The following THBS4 variants were observed in gnomAD, a reference collection of about 807,000 sequenced individuals.
THBS4 encodes thrombospondin-4.
In THBS4, 90 loss-of-function variants were observed where a neutral mutation model predicts 115.7. The observed-to-expected ratio is 0.78, with a 90% CI of 0.66 to 0.93. THBS4 has a LOEUF of 0.93. Among genes scored for constraint, THBS4 ranks in the 40% least tolerant of loss-of-function variants. The probability of loss-of-function intolerance (pLI) is 0.00; values close to 1 mark genes in which losing one functional copy is unlikely to be tolerated. For missense variants in THBS4, 1,087 were observed against 1,232.7 expected (o/e 0.88, Z 1.77); for synonymous variants, 460 against 479.3 (o/e 0.96, Z 0.53).
At chr5:80,039,870 G>A (rs1429340115) in intron 1 of THBS4, among the ~76,000 whole-genome samples, 1 of 152,186 alleles carries the variant, frequency 6.6e-6, no homozygotes, top group African/African-American at 2.4e-5. Context: ...TGAATATTGT[G>A]CTGTATTTCT....
At chr5:80,022,410 A>C (rs748659626) in intron 2 of THBS4, among the ~76,000 whole-genome samples, 1 of 152,244 alleles carries the variant, frequency 6.6e-6, no homozygotes, top group African/African-American at 2.4e-5. Flanking sequence ...TTTTCTTCCA[A>C]TTCTTGCAGA....
intron 2 of THBS4, chr5:80,019,560 G>A (rs1403100325): frequency 1.3e-5 from 2 of 152,300 alleles, no homozygotes; most frequent in African/African-American, 4.8e-5. Context: ...AAAGTGTCCT[G>A]TGCTTATAAC....
chr5:79,998,916 T>C (rs1831848755), intron 2 of THBS4, among the ~76,000 whole-genome samples: 1 of 152,160 alleles, frequency 6.6e-6, no homozygotes, highest in African/African-American at 2.4e-5. Flanking sequence ...TGCTGAGCTA[T>C]GTTCAGTGGC....
intron 1 of THBS4, among the ~76,000 whole-genome samples, chr5:80,037,264 A>T (rs1832748122): frequency 6.6e-6 from 1 of 152,132 alleles, no homozygotes; most frequent in Non-Finnish European, 1.5e-5. Flanking sequence ...TTATCTGGGT[A>T]ATTTAGTTGC....
intron 1 of THBS4, among the ~76,000 whole-genome samples, chr5:79,993,130 T>G (rs546130792): frequency 6.6e-6 from 1 of 152,252 alleles, no homozygotes; most frequent in Non-Finnish European, 1.5e-5. Flanking sequence ...TTTGGCCTTC[T>G]TCCGTACTGC....
intron 2 of THBS4, among the ~76,000 whole-genome samples, chr5:80,028,867 C>G (rs1320509304): frequency 6.6e-6 from 1 of 152,048 alleles, no homozygotes; most frequent in African/African-American, 2.4e-5. Context: ...CCTGTACCCC[C>G]CTCCCTGTTT....
intron 20 of THBS4, among the ~76,000 whole-genome samples, chr5:80,080,577 A>ATTTTTTTTTTTT (rs1743442985): frequency 1.5e-5 from 1 of 66,826 alleles, no homozygotes; most frequent in African/African-American, 5.5e-5. Flanking sequence ...CAGCGCTTGT[A>ATTTTTTTTTTTT]TCTTTTTTTT....
chr5:80,079,051 G>T lies in THBS4; in HGVS notation c.2315-11G>T. On this transcript the variant is annotated splice_polypyrimidine_tract_variant and intron_variant, in intron 18 of 21. Coordinates refer to ENST00000350881, the MANE Select transcript of THBS4 (RefSeq NM_003248.6). Reference sequence around the variant, plus strand: ...TTTGTCTATTGTTCTAATCTTATCTGGTCCCTACAGGGTACACAGCTTTTA... The same window carrying T: ...TTTGTCTATTGTTCTAATCTTATCTTGTCCCTACAGGGTACACAGCTTTTA... 6.2e-7 allele frequency: 1 copy of T among 1,611,868 alleles called. No homozygotes were observed. The highest frequency in any genetic ancestry group is 8.5e-7 in the Non-Finnish European group (1 of 1,178,428).
At chr5:80,047,977 C>T (rs1007997818) in intron 2 of THBS4, among the ~76,000 whole-genome samples, 3 of 151,852 alleles carry the variant, frequency 2.0e-5, no homozygotes, top group African/African-American at 7.3e-5. Flanking sequence ...TAGCCTGGCT[C>T]GCTGGTACAT....
intron 9 of THBS4, 198 bp from the exon 10 acceptor site, chr5:80,067,775 A>T: frequency 1.8e-6 from 1 of 555,920 alleles, no homozygotes; most frequent in Non-Finnish European, 3.1e-6. Context: ...GAGTGGCCGG[A>T]CGCAGCCTCC....
At position 80,055,915 on chromosome 5, in the gene THBS4, A is replaced by C; in HGVS notation, c.423A>C (p.Leu141=). The C allele has an allele frequency of 6.2e-7, 1 of 1,614,114 alleles. No homozygotes were observed. Among genetic ancestry groups the C allele is most frequent in the South Asian group, 1.1e-5 (1 of 91,086 alleles). The part of the protein sequence containing the change: ...LSNLQRGAGS[L]ELYLDCIQVD... The stretch of plus-strand genomic sequence containing the variant: ...ATTTGCAGCGAGGGGCCGGCTCCCT[A>C]GAGCTCTACCTGGACTGCATCCAGG... The change falls in exon 3 of 22, where the codon CTA becomes CTC. Residue 141 remains leucine, a synonymous_variant. Transcript: ENST00000350881.
upstream of THBS4, among the ~76,000 whole-genome samples, chr5:80,032,417 G>A (rs1020716405): frequency 6.6e-6 from 1 of 152,086 alleles, no homozygotes; most frequent in African/African-American, 2.4e-5. Context: ...TTCTCTAGAG[G>A]GACAGAACTA....
At chr5:80,047,398 T>C (rs1386988675) in intron 2 of THBS4, among the ~76,000 whole-genome samples, 2 of 152,200 alleles carry the variant, frequency 1.3e-5, no homozygotes, top group African/African-American at 4.8e-5. Flanking sequence ...GTTTTGTTTT[T>C]TGTTTTTTGT....
chr5:80,007,206 G>C (rs1289107522), intron 2 of THBS4, among the ~76,000 whole-genome samples: 2 of 152,174 alleles, frequency 1.3e-5, no homozygotes, highest in Admixed American at 1.3e-4. Context: ...ACCATAATGT[G>C]ACTAGATACT....
intron 1 of THBS4, among the ~76,000 whole-genome samples, chr5:79,998,173 G>A (rs896570950): frequency 3.3e-5 from 5 of 152,148 alleles, no homozygotes; most frequent in South Asian, 2.1e-4. Context: ...ATCACATGTC[G>A]AATTGTAATC....
Position 80,061,715 on chromosome 5 carries a change from C to G in THBS4, c.1008C>G (p.Tyr336Ter). ...TCCAGTGCAAATACCATCCCTGCTA[C>G]CCGGGCGTGCACTGCATAAATTTGT... ...DVDECKYHPC[Y>*]PGVHCINLSP... Residue 336 changes from tyrosine (Y) to a stop codon, truncating the protein, a stop_gained, in exon 8 of 22, where the codon TAC (tyrosine) becomes TAG (stop). Coordinates refer to ENST00000350881, the MANE Select transcript of THBS4 (RefSeq NM_003248.6). LOFTEE classifies it high-confidence loss of function. 1 of 1,613,350 alleles carries G rather than the reference C, an allele frequency of 6.2e-7. No homozygotes were observed. Among genetic ancestry groups the G allele is most frequent in the Non-Finnish European group, 8.5e-7 (1 of 1,179,564 alleles).
chr5:80,039,925 T>G (rs889414968), intron 1 of THBS4, 152 bp from the exon 2 acceptor site: 19 of 665,546 alleles, frequency 2.9e-5, no homozygotes, highest in Non-Finnish European at 4.1e-5. Context: ...AGGGAAGAAC[T>G]GGTGAGTTTG....
intron 8 of THBS4, among the ~76,000 whole-genome samples, chr5:80,062,992 T>C (rs888593031): frequency 5.3e-5 from 8 of 152,230 alleles, no homozygotes; most frequent in African/African-American, 1.9e-4. Flanking sequence ...CCACAATAAA[T>C]ATACGTGTCC....
intron 1 of THBS4, among the ~76,000 whole-genome samples, chr5:79,993,848 T>C (rs184861887): frequency 6.6e-6 from 1 of 152,352 alleles, no homozygotes; most frequent in Admixed American, 6.5e-5. Context: ...TGGTCCCTTA[T>C]GGGAAAATTA....
Sources: gnomAD v4.1 joint callset for allele counts (sites outside exome capture counted in the v4.1 genomes callset) on GRCh38, gnomAD v4.1.1 for gene constraint, MANE v1.5 for transcripts, NCBI Gene and HGNC (gene_info 2026-07-23, HGNC 2026-07-21) for gene names.